The following DST variants were observed in gnomAD, a reference collection of about 807,000 sequenced individuals.
DST encodes bullous pemphigoid antigen.
DST carries 253 observed loss-of-function variants against 875.2 expected under a neutral mutation model. The ratio of observed to expected loss-of-function variants is 0.29; its 90% CI spans 0.26 to 0.32. DST has a LOEUF of 0.32. Ranked by LOEUF, DST falls within the 10% of genes least tolerant of loss-of-function variation. DST has a pLI of 1.00. For missense variants in DST, 8,287 were observed against 9,111.6 expected (o/e 0.91, Z 3.68); for synonymous variants, 3,124 against 3,197.1 (o/e 0.98, Z 0.77).
At chr6:56,815,292 A>G (rs1309092043) in intron 4 of DST, among the ~76,000 whole-genome samples, 3 of 152,216 alleles carry the variant, frequency 2.0e-5, no homozygotes, top group African/African-American at 7.2e-5. Context: ...TATAATGTGC[A>G]GTATATATAA....
chr6:56,700,121 C>A (rs1477061421), intron 8 of DST, among the ~76,000 whole-genome samples: 3 of 152,148 alleles, frequency 2.0e-5, no homozygotes, highest in Non-Finnish European at 4.4e-5. Context: ...GGGGTGTGAA[C>A]CCTATTTGTG....
At chr6:56,679,658 C>G (rs2099147723) in intron 9 of DST, among the ~76,000 whole-genome samples, 1 of 150,936 alleles carries the variant, frequency 6.6e-6, no homozygotes, top group Non-Finnish European at 1.5e-5. Flanking sequence ...GCGGTCCAAG[C>G]TTCCTCGGGC....
intron 2 of DST, among the ~76,000 whole-genome samples, chr6:56,918,446 T>C (rs185798668): frequency 6.6e-6 from 1 of 152,284 alleles, no homozygotes; most frequent in East Asian, 1.9e-4. Flanking sequence ...TGAATAATTT[T>C]CTAGTTTATG....
At chr6:56,689,123 C>G (rs1411284549) in intron 9 of DST, among the ~76,000 whole-genome samples, 1 of 152,068 alleles carries the variant, frequency 6.6e-6, no homozygotes, top group Non-Finnish European at 1.5e-5. Context: ...AAAGATGGAG[C>G]TCATAACAGA....
chr6:56,533,104 T>C (rs772368837), intron 63 of DST, among the ~76,000 whole-genome samples: 4 of 152,168 alleles, frequency 2.6e-5, no homozygotes, highest in African/African-American at 4.8e-5. Flanking sequence ...TTACACATCA[T>C]TGGCAACAGG....
chr6:56,463,437 A>T (rs1290388065), intron 101 of DST, 128 bp downstream of exon 101: 2 of 926,138 alleles, frequency 2.2e-6, no homozygotes, highest in Non-Finnish European at 3.1e-6. Flanking sequence ...TATTTCCCAC[A>T]GTATGAGAAG....
At chr6:56,563,000 T>C (rs2097565961) in intron 55 of DST, among the ~76,000 whole-genome samples, 1 of 152,314 alleles carries the variant, frequency 6.6e-6, no homozygotes, top group South Asian at 2.1e-4. Flanking sequence ...GATGGGCATT[T>C]GGGTGGGTTC....
At chr6:56,824,875 G>T (rs1433053524) in intron 4 of DST, among the ~76,000 whole-genome samples, 2 of 151,258 alleles carry the variant, frequency 1.3e-5, no homozygotes, top group Non-Finnish European at 3.0e-5. Flanking sequence ...GGAGGGAGGT[G>T]GGGGGGTCAG....
At chr6:56,699,842 A>G in intron 8 of DST, 97 bp from the exon 9 acceptor site, 1 of 542,288 alleles carries the variant, frequency 1.8e-6, no homozygotes, top group Admixed American at 4.0e-5. Context: ...TTATACAAAG[A>G]AAAAATGGAA....
intron 61 of DST, among the ~76,000 whole-genome samples, chr6:56,538,370 C>T (rs1004913873): frequency 1.2e-4 from 17 of 137,632 alleles, no homozygotes; most frequent in East Asian, 2.1e-4. Flanking sequence ...AGTTTTACAT[C>T]GATATTAAGG....
At chr6:56,893,571 T>TTTTTTTTTTTTTTTTTC (rs1788864332) in intron 3 of DST, among the ~76,000 whole-genome samples, 1 of 70,438 alleles carries the variant, frequency 1.4e-5, no homozygotes, top group Non-Finnish European at 2.6e-5. Context: ...TCTTTTTTTT[T>TTTTTTTTTTTTTTTTTC]TTTTTTTTTT....
chr6:56,787,936 C>G (rs2099708370), intron 4 of DST, among the ~76,000 whole-genome samples: 2 of 151,546 alleles, frequency 1.3e-5, no homozygotes, highest in African/African-American at 2.4e-5. Flanking sequence ...GTCACGAGTT[C>G]AAGACCAGCC....
In DST at chr6:56,832,564, C is replaced by T. The variant is rs550485296; in HGVS notation, c.625+18833G>A. Among the ~76,000 whole-genome samples the T allele has an allele frequency of 4.2e-4, 64 of 150,902 alleles. 2 individuals are homozygous for T. The highest frequency in any genetic ancestry group is 1.5e-4 in the Non-Finnish European group (10 of 67,866). ...GTAAATTGCCCAGTCTCTGGTATGT[C>T]TTTATCAGCAGTATGAAAACAGACT... On this transcript the variant is annotated intron_variant, in intron 4 of 103. Coordinates refer to ENST00000680361, the MANE Select transcript of DST (RefSeq NM_001374736.1).
intron 2 of DST, among the ~76,000 whole-genome samples, chr6:56,948,511 G>C (rs534022842): frequency 3.3e-5 from 5 of 152,128 alleles, no homozygotes; most frequent in Admixed American, 6.5e-5. Flanking sequence ...GGGTTCCATC[G>C]GGCTACTCAG....
chr6:56,516,175 A>AAGAAAGAGAAAG (rs71707887), intron 71 of DST, among the ~76,000 whole-genome samples: 1,149 of 114,414 alleles, frequency 0.01, 14 homozygotes, highest in African/African-American at 0.028. Context: ...GAGAAAGAGA[A>AAGAAAGAGAAAG]AGAAAGAGAA....
intron 9 of DST, among the ~76,000 whole-genome samples, chr6:56,679,170 C>T (rs2099145057): frequency 6.6e-6 from 1 of 152,138 alleles, no homozygotes; most frequent in Non-Finnish European, 1.5e-5. Flanking sequence ...TTGTCTTGTA[C>T]TATATTATTT....
At chr6:56,939,228 A>C (rs932521754) in intron 2 of DST, among the ~76,000 whole-genome samples, 1 of 152,238 alleles carries the variant, frequency 6.6e-6, no homozygotes, top group Non-Finnish European at 1.5e-5. Flanking sequence ...AGTTTCTCAA[A>C]ACTGTTGGTC....
Position 56,642,496 on chromosome 6 carries a change from T to C in DST, c.1786A>G (p.Met596Val), listed in dbSNP as rs773825884. 6.2e-7 allele frequency: 1 copy of C among 1,613,020 alleles called. No individual in the cohort carries two copies. Among genetic ancestry groups the C allele is most frequent in the East Asian group, 2.2e-5 (1 of 44,870 alleles). Reference protein sequence around the residue: ...ALRPEVERLEMLQQIANRVQR... With the variant: ...ALRPEVERLEVLQQIANRVQR... The stretch of plus-strand genomic sequence containing the variant: ...ACTCTGTTGGCAATCTGTTGCAACA[T>C]TTCTAACCTAAAAGATGAGACAAAA... The change falls in exon 16 of 104, where the codon ATG becomes GTG. Residue 596 changes from methionine to valine, a missense_variant. Met to Val is a conservative substitution (Grantham distance 21). Transcript: ENST00000680361.
At chr6:56,653,893 C>T (rs2098989878) in intron 10 of DST, among the ~76,000 whole-genome samples, 1 of 152,290 alleles carries the variant, frequency 6.6e-6, no homozygotes, top group African/African-American at 2.4e-5. Context: ...TGGGATAACA[C>T]AACCTTTAAA....
Sources: allele counts gnomAD v4.1 joint callset (sites outside exome capture counted in the v4.1 genomes callset), GRCh38; gene constraint gnomAD v4.1.1; transcripts MANE v1.5; gene names NCBI Gene and HGNC (gene_info 2026-07-23, HGNC 2026-07-21).